IL1RAPL2: variants seen among roughly 807,000 people sequenced by gnomAD.
The protein encoded by IL1RAPL2 is interleukin 1 receptor accessory protein like 2, also known as X-linked interleukin-1 receptor accessory protein-like 2.
A neutral mutation model predicts 44.1 loss-of-function variants in IL1RAPL2; 3 were observed. The ratio of observed to expected loss-of-function variants is 0.07; its 90% CI spans 0.03 to 0.18. IL1RAPL2 has a LOEUF of 0.18. Among genes scored for constraint, IL1RAPL2 ranks in the 10% least tolerant of loss-of-function variants. The pLI, the probability that IL1RAPL2 is intolerant of heterozygous loss-of-function variation, is 1.00. For missense variants in IL1RAPL2, 391 were observed against 496.4 expected (o/e 0.79, Z 2.02); for synonymous variants, 181 against 178.8 (o/e 1.01, Z -0.10).
intron 1 of IL1RAPL2, among the ~76,000 whole-genome samples, chrX:104,588,752 T>G (rs1244069573): frequency 8.9e-6 from 1 of 112,004 alleles, no homozygotes; most frequent in Non-Finnish European, 1.9e-5. Flanking sequence ...TTAAGTCCAG[T>G]GGAAAACTTG....
intron 2 of IL1RAPL2, among the ~76,000 whole-genome samples, chrX:104,942,923 A>C (rs191311120): frequency 2.2e-4 from 24 of 111,581 alleles, no homozygotes; most frequent in Admixed American, 4.8e-4. Flanking sequence ...AATTTTATCG[A>C]AGGCCTTTTC....
chrX:105,199,450 C>G (rs1366613578), intron 3 of IL1RAPL2, among the ~76,000 whole-genome samples: 1 of 109,734 alleles, frequency 9.1e-6, no homozygotes, highest in East Asian at 2.9e-4. Flanking sequence ...GCATTAGAAA[C>G]CTAGATTTGG....
chrX:104,756,730 G>A lies in IL1RAPL2; in HGVS notation c.82+97735G>A, dbSNP rs751246585. On this transcript the variant is annotated intron_variant, in intron 2 of 10. Coordinates refer to ENST00000372582, the MANE Select transcript of IL1RAPL2 (RefSeq NM_017416.2). The stretch of plus-strand genomic sequence containing the variant: ...TCAAAAGAAAAAAGTGAAGGAAGGA[G>A]ATTGAAGTGTATGGATAAAGTTTTA... Among the ~76,000 whole-genome samples the A allele has an allele frequency of 2.1e-4, 23 of 110,208 alleles. No homozygotes were observed. The South Asian group carries it at 8.6e-3, about 41-fold the overall frequency.
At chrX:104,880,413 A>G (rs1315033699) in intron 2 of IL1RAPL2, among the ~76,000 whole-genome samples, 1 of 111,917 alleles carries the variant, frequency 8.9e-6, no homozygotes, top group African/African-American at 3.2e-5. Flanking sequence ...GGTCTACCAT[A>G]CCATAGACCT....
intron 4 of IL1RAPL2, among the ~76,000 whole-genome samples, chrX:105,248,419 A>C (rs1464602625): frequency 4.5e-5 from 5 of 111,954 alleles, no homozygotes; most frequent in Non-Finnish European, 5.7e-5. Flanking sequence ...CTTCCTAAAA[A>C]TGTACAAAAA....
At chrX:105,426,514 A>T (rs991764710) in intron 5 of IL1RAPL2, among the ~76,000 whole-genome samples, 2 of 109,439 alleles carry the variant, frequency 1.8e-5, no homozygotes, top group Non-Finnish European at 3.8e-5. Context: ...CCCCTATTCT[A>T]CTCCTTGTTA....
chrX:105,280,627 C>T (rs2034524145), intron 5 of IL1RAPL2, among the ~76,000 whole-genome samples: 1 of 111,399 alleles, frequency 9.0e-6, no homozygotes, highest in Non-Finnish European at 1.9e-5. Context: ...TATGAACAGA[C>T]ACTTCTCAAA....
At chrX:105,288,424 G>T (rs2034587489) in intron 5 of IL1RAPL2, among the ~76,000 whole-genome samples, 1 of 106,486 alleles carries the variant, frequency 9.4e-6, no homozygotes, top group African/African-American at 3.5e-5. Flanking sequence ...AAAAAAAACA[G>T]CATTCTCTAA....
chrX:105,402,453 A>G (rs1466095177), intron 5 of IL1RAPL2, among the ~76,000 whole-genome samples: 6 of 111,690 alleles, frequency 5.4e-5, no homozygotes, highest in African/African-American at 1.6e-4. Flanking sequence ...ATGTATTATT[A>G]TAGCTTTTTA....
chrX:104,771,384 C>G (rs1032751197), intron 2 of IL1RAPL2, among the ~76,000 whole-genome samples: 6 of 112,301 alleles, frequency 5.3e-5, no homozygotes, highest in Admixed American at 1.9e-4. Context: ...TCTTCGTCAG[C>G]CTTTGAGGCT....
At chrX:105,302,243 C>T (rs1320043718) in intron 5 of IL1RAPL2, among the ~76,000 whole-genome samples, 1 of 111,437 alleles carries the variant, frequency 9.0e-6, no homozygotes, top group Non-Finnish European at 1.9e-5. Context: ...TATTTGTGTT[C>T]CTTATATATC....
At chrX:104,634,626 G>T (rs1410886146) in intron 1 of IL1RAPL2, among the ~76,000 whole-genome samples, 1 of 111,431 alleles carries the variant, frequency 9.0e-6, no homozygotes, top group South Asian at 3.8e-4. Flanking sequence ...TTTGATCTTT[G>T]TTGGTTTAAA....
chrX:105,161,218 AAATAAT>A (rs34426902), intron 2 of IL1RAPL2, among the ~76,000 whole-genome samples: 51 of 101,029 alleles, frequency 5.0e-4, no homozygotes, highest in African/African-American at 1.6e-3. Flanking sequence ...ACCCTGTCTC[AAATAAT>A]AATAATAATA....
At chrX:105,406,941 A>C in intron 5 of IL1RAPL2, 2 of 1,112,649 alleles carry the variant, frequency 1.8e-6, no homozygotes, top group East Asian at 3.0e-5. Flanking sequence ...ATTGTGATCT[A>C]TCTGGGTGCG....
chrX:104,888,908 A>T (rs1216697353), intron 2 of IL1RAPL2, among the ~76,000 whole-genome samples: 2 of 111,555 alleles, frequency 1.8e-5, no homozygotes, highest in East Asian at 5.6e-4. Flanking sequence ...CTATTACACA[A>T]GCAATGAAAA....
chrX:104,841,366 T>A, intron 2 of IL1RAPL2, among the ~76,000 whole-genome samples: 1 of 112,126 alleles, frequency 8.9e-6, no homozygotes, highest in Non-Finnish European at 1.9e-5. Context: ...GTCTTTTAAT[T>A]GGGGCTTTTA....
chrX:104,909,496 T>C (rs1031612197), intron 2 of IL1RAPL2, among the ~76,000 whole-genome samples: 4 of 111,841 alleles, frequency 3.6e-5, no homozygotes, highest in Non-Finnish European at 5.6e-5. Context: ...TGGTCTTCTA[T>C]GATGGTGATG....
chrX:104,918,789 C>T (rs1363462603), intron 2 of IL1RAPL2, among the ~76,000 whole-genome samples: 1 of 111,731 alleles, frequency 9.0e-6, no homozygotes, highest in Non-Finnish European at 1.9e-5. Flanking sequence ...TTACAAAGCT[C>T]ATTGGACCAT....
At chrX:105,143,927 C>T (rs2033151778) in intron 2 of IL1RAPL2, among the ~76,000 whole-genome samples, 1 of 109,578 alleles carries the variant, frequency 9.1e-6, no homozygotes, top group African/African-American at 3.3e-5. Flanking sequence ...CAACATGGCA[C>T]ATGTATATAT....
Sources: gnomAD v4.1 joint callset for allele counts (sites outside exome capture counted in the v4.1 genomes callset) on GRCh38, gnomAD v4.1.1 for gene constraint, MANE v1.5 for transcripts, NCBI Gene and HGNC (gene_info 2026-07-23, HGNC 2026-07-21) for gene names.